Variants in EFCAB5 observed in about 807,000 individuals in gnomAD.
EFCAB5 encodes the protein EF-hand calcium-binding domain-containing protein 5.
A neutral mutation model predicts 167.9 loss-of-function variants in EFCAB5; 131 were observed. The observed-to-expected ratio is 0.78, with a 90% CI of 0.68 to 0.90. The LOEUF (loss-of-function observed/expected upper bound fraction) is 0.90. Among genes scored for constraint, EFCAB5 ranks in the 40% least tolerant of loss-of-function variants. The probability of loss-of-function intolerance (pLI) is 0.00; values close to 1 mark genes in which losing one functional copy is unlikely to be tolerated. For synonymous variants in EFCAB5, 574 were observed against 602.8 expected, an observed-to-expected ratio of 0.95 and a Z score of 0.70; for missense variants, 1,663 against 1,745.2, an observed-to-expected ratio of 0.95 and a Z score of 0.84.
intron 3 of EFCAB5, among the ~76,000 whole-genome samples, chr17:29,953,097 C>G (rs2067545432): frequency 6.6e-6 from 1 of 152,142 alleles, no homozygotes; most frequent in African/African-American, 2.4e-5. Context: ...GGAAGTCAAA[C>G]TATCCCTGTT....
At chr17:30,055,363 AGG>A (rs2070227716) in intron 10 of EFCAB5, among the ~76,000 whole-genome samples, 1 of 151,644 alleles carries the variant, frequency 6.6e-6, no homozygotes, top group African/African-American at 2.4e-5. Flanking sequence ...GAAGGAAGGA[AGG>A]AAGGAAGGAA....
chr17:29,978,327 T>C (rs1179599206), intron 4 of EFCAB5, among the ~76,000 whole-genome samples: 2 of 152,260 alleles, frequency 1.3e-5, no homozygotes, highest in African/African-American at 4.8e-5. Context: ...AGTATTCAAA[T>C]GACTGTTACA....
At chr17:30,082,631 T>C (rs2071011570) in intron 17 of EFCAB5, among the ~76,000 whole-genome samples, 1 of 152,088 alleles carries the variant, frequency 6.6e-6, no homozygotes, top group Non-Finnish European at 1.5e-5. Context: ...CCTCAAGTGA[T>C]CCGCCCTGCC....
chr17:29,950,498 A>G (rs1158751870), intron 3 of EFCAB5: 1 of 152,374 alleles, frequency 6.6e-6, no homozygotes, highest in Admixed American at 6.6e-5. Flanking sequence ...CAGCCTCCTG[A>G]GCAGCTGGGA....
chr17:30,078,149 T>C (rs1331438075), intron 14 of EFCAB5, 66 bp from the exon 15 acceptor site: 2 of 1,498,916 alleles, frequency 1.3e-6, no homozygotes, highest in East Asian at 4.6e-5. Flanking sequence ...AAGAGGAGAA[T>C]GAAAATCCCC....
At position 30,055,904 on chromosome 17, in the gene EFCAB5, A is replaced by C. The variant is rs756812801; in HGVS notation, c.2211A>C (p.Glu737Asp). ...KDHFPETTKK[E>D]VQKDKPCEPK... is the part of the protein sequence containing the mutation. ...ACCTTTTAGAAACTACAAAAAAGGA[A>C]GTTCAGAAAGACAAGCCCTGTGAAC... Residue 737 changes from glutamate to aspartate, a missense_variant, in exon 11 of 23, where the codon GAA becomes GAC. Transcript: ENST00000394835. 27 of 1,613,076 alleles carry C rather than the reference A, an allele frequency of 1.7e-5. No homozygotes were observed. The highest frequency in any genetic ancestry group is 2.3e-5 in the Non-Finnish European group (27 of 1,179,656).
At chr17:29,940,296 C>T (rs1486534526), upstream of EFCAB5, among the ~76,000 whole-genome samples, 3 of 152,094 alleles carry the variant, frequency 2.0e-5, no homozygotes, top group East Asian at 1.9e-4. Flanking sequence ...AGGCTCGTCT[C>T]GAACTCCTGA....
intron 7 of EFCAB5, among the ~76,000 whole-genome samples, chr17:30,028,745 C>T (rs1294345673): frequency 2.0e-5 from 3 of 152,160 alleles, no homozygotes; most frequent in East Asian, 3.9e-4. Context: ...AGTTAGAAGG[C>T]TGAGACAAGG....
In EFCAB5 at chr17:30,059,553, A is replaced by G; in HGVS notation, c.2589A>G (p.Gln863=). The G allele has an allele frequency of 1.2e-6, 2 of 1,604,412 alleles. No homozygotes were observed. Among genetic ancestry groups the G allele is most frequent in the Non-Finnish European group, 1.7e-6 (2 of 1,175,012 alleles). The part of the protein sequence containing the change: ...EKMNALEQFS[Q]NAFQVRQRLL... ...TCCTGTTTGTATCCTAGTTTAGCCA[A>G]AATGCTTTCCAAGTCCGACAGAGGC... is the stretch of plus-strand genomic sequence containing the variant. The change falls in exon 14 of 23, where the codon CAA becomes CAG. Residue 863 remains glutamine, a synonymous_variant. Transcript: ENST00000394835.
intron 14 of EFCAB5, among the ~76,000 whole-genome samples, chr17:30,076,124 T>C (rs1374220286): frequency 2.0e-5 from 3 of 152,240 alleles, no homozygotes; most frequent in Non-Finnish European, 4.4e-5. Context: ...TCTGGTTCTT[T>C]CTCTTTGTCT....
At chr17:29,948,650 T>TA (rs2067451649) in intron 3 of EFCAB5, among the ~76,000 whole-genome samples, 1 of 152,214 alleles carries the variant, frequency 6.6e-6, no homozygotes, top group Admixed American at 6.5e-5. Context: ...CATGTTATCT[T>TA]GATAAGCAGC....
chr17:30,026,956 T>G (rs970606983), intron 7 of EFCAB5, among the ~76,000 whole-genome samples: 6 of 141,008 alleles, frequency 4.3e-5, no homozygotes, highest in African/African-American at 1.5e-4. Context: ...TGTACCTCCT[T>G]GTACCTTTTT....
At chr17:30,106,917 G>A (rs1375198584) in intron 22 of EFCAB5, among the ~76,000 whole-genome samples, 2 of 152,168 alleles carry the variant, frequency 1.3e-5, no homozygotes, top group Admixed American at 6.5e-5. Context: ...CTCCAGCCTG[G>A]GCAACAGGGC....
At chr17:29,984,004 C>T (rs1027832162) in intron 4 of EFCAB5, among the ~76,000 whole-genome samples, 1 of 151,986 alleles carries the variant, frequency 6.6e-6, no homozygotes, top group Non-Finnish European at 1.5e-5. Flanking sequence ...TCTGGAGACA[C>T]TTAGTACTTA....
At chr17:29,992,729 T>C (rs1417769393) in intron 4 of EFCAB5, among the ~76,000 whole-genome samples, 2 of 152,234 alleles carry the variant, frequency 1.3e-5, no homozygotes, top group South Asian at 2.1e-4. Context: ...TTGGCTATTA[T>C]GAATAGTGTC....
At chr17:29,962,550 A>ACC (rs2067740851) in intron 3 of EFCAB5, among the ~76,000 whole-genome samples, 1 of 149,224 alleles carries the variant, frequency 6.7e-6, no homozygotes, top group South Asian at 2.1e-4. Context: ...AGCTCACTGC[A>ACC]CCCTTGAACT....
At chr17:30,008,085 G>A (rs1364730969) in intron 7 of EFCAB5, among the ~76,000 whole-genome samples, 1 of 151,740 alleles carries the variant, frequency 6.6e-6, no homozygotes, top group East Asian at 1.9e-4. Context: ...AATGATTGAT[G>A]GGTTTTGCTG....
intron 8 of EFCAB5, among the ~76,000 whole-genome samples, chr17:30,042,036 T>C (rs2069787944): frequency 6.6e-6 from 1 of 151,318 alleles, no homozygotes; most frequent in Non-Finnish European, 1.5e-5. Flanking sequence ...TGAGATGGAG[T>C]ATCGCTCTGT....
At position 30,090,408 on chromosome 17, in the gene EFCAB5, G is replaced by T. The variant is rs939938168; in HGVS notation, c.3684-13G>T. 6.2e-7 allele frequency: 1 copy of T among 1,609,270 alleles called. No homozygotes were observed. The highest frequency in any genetic ancestry group is 8.5e-7 in the Non-Finnish European group (1 of 1,177,816). ...TGTTTAATATCCTTGTGCTTATTTG[G>T]TTTTGATTTCAGAGATTTCCTCTTT... is the stretch of plus-strand genomic sequence containing the variant. On this transcript the variant is annotated splice_polypyrimidine_tract_variant and intron_variant, in intron 19 of 22. Coordinates refer to ENST00000394835, the MANE Select transcript of EFCAB5 (RefSeq NM_198529.4).
Sources: allele counts gnomAD v4.1 joint callset (sites outside exome capture counted in the v4.1 genomes callset), GRCh38; gene constraint gnomAD v4.1.1; transcripts MANE v1.5; gene names NCBI Gene and HGNC (gene_info 2026-07-23, HGNC 2026-07-21).